The following AKAIN1 variants were observed in gnomAD, a reference collection of about 807,000 sequenced individuals.
The protein encoded by AKAIN1 is A-kinase anchor inhibitor 1, also known as A-kinase anchor protein inhibitor 1.
Under a neutral mutation model 3.7 loss-of-function variants are expected in AKAIN1, and 3 were observed. The ratio of observed to expected loss-of-function variants is 0.82; its 90% CI spans 0.37 to 2.12. AKAIN1 has a LOEUF of 2.12. AKAIN1 is among the 30% of genes most tolerant of loss of function. AKAIN1 has a pLI of 0.06. For synonymous variants in AKAIN1, 31 were observed against 30.8 expected, an observed-to-expected ratio of 1.01 and a Z score of -0.02; for missense variants, 82 against 82.7, an observed-to-expected ratio of 0.99 and a Z score of 0.03.
intron 1 of AKAIN1, among the ~76,000 whole-genome samples, chr18:5,152,128 G>C (rs2071083139): frequency 1.3e-5 from 2 of 152,140 alleles, no homozygotes; most frequent in African/African-American, 4.8e-5. Flanking sequence ...GCTCTGGACA[G>C]AAATATAGTT....
chr18:5,143,887 A>G lies in AKAIN1; in HGVS notation c.*1675T>C, dbSNP rs528327317. On this transcript the variant is annotated 3_prime_UTR_variant, in exon 2 of 2. Transcript: ENST00000434239. ...CATAGTACCAGATCACTTACAAACT[A>G]CAAGCATTAGATTTATTTATTTATT... Among the ~76,000 whole-genome samples the G allele has an allele frequency of 7.9e-5, 12 of 152,316 alleles. No individual in the cohort carries two copies. Among genetic ancestry groups the G allele is most frequent in the African/African-American group, 2.6e-4 (11 of 41,572 alleles).
At position 5,193,518 on chromosome 18, in the gene AKAIN1, T is replaced by A. The variant is rs369010731; in HGVS notation, c.16+3520A>T. The stretch of plus-strand genomic sequence containing the variant: ...AGCTCTTCCTCAAGGAAGAAGGAAT[T>A]TAGGAAAAGAAACCTGATTGTTCAG... On this transcript the variant is annotated intron_variant, in intron 1 of 1. Transcript: ENST00000434239. Among the ~76,000 whole-genome samples, 52 of 152,258 alleles carry A rather than the reference T, an allele frequency of 3.4e-4. 1 individual carries two copies. The South Asian group carries it at 7.3e-3, about 21-fold the overall frequency.
intron 1 of AKAIN1, among the ~76,000 whole-genome samples, chr18:5,164,442 T>A (rs1029771978): frequency 6.6e-5 from 10 of 152,070 alleles, no homozygotes; most frequent in Admixed American, 1.3e-4. Flanking sequence ...CTTCATTCAC[T>A]GGAAAATAAA....
At chr18:5,181,307 G>A (rs781779912) in intron 1 of AKAIN1, among the ~76,000 whole-genome samples, 1 of 151,894 alleles carries the variant, frequency 6.6e-6, no homozygotes, top group Non-Finnish European at 1.5e-5. Flanking sequence ...GAAAATAAAA[G>A]AAGTATAATT....
At chr18:5,197,575 C>G (rs1160002570), upstream of AKAIN1, 5 of 913,070 alleles carry the variant, frequency 5.5e-6, no homozygotes, top group Non-Finnish European at 5.7e-6. The surrounding 1 kb of genome is among the most constrained non-coding windows in gnomAD (Gnocchi z 6.9). Context: ...TGGGCTGGCT[C>G]GAATAGAGGG....
chr18:5,160,334 C>T (rs2071132210), intron 1 of AKAIN1, among the ~76,000 whole-genome samples: 1 of 152,180 alleles, frequency 6.6e-6, no homozygotes, highest in African/African-American at 2.4e-5. Context: ...TCCCAGATAA[C>T]TAATGAGGTT....
upstream of AKAIN1, chr18:5,197,293 C>T: frequency 1.5e-6 from 2 of 1,368,158 alleles, no homozygotes; most frequent in South Asian, 1.8e-5. This position sits in a 1 kb window ranked among gnomAD's most constrained non-coding sequence, Gnocchi z 6.9. Context: ...GAGGGTGAAT[C>T]CCCGCTCAGT....
chr18:5,177,611 C>T (rs560415983), intron 1 of AKAIN1, among the ~76,000 whole-genome samples: 3 of 152,188 alleles, frequency 2.0e-5, no homozygotes, highest in East Asian at 1.9e-4. Context: ...ATACTTAGCA[C>T]ATTAAATAAC....
intron 1 of AKAIN1, among the ~76,000 whole-genome samples, chr18:5,174,503 G>A (rs1191136012): frequency 2.0e-5 from 3 of 152,144 alleles, no homozygotes; most frequent in Non-Finnish European, 2.9e-5. Context: ...AACTTTGGGA[G>A]GCTGTGGTGG....
chr18:5,169,967 A>T (rs2071188471), intron 1 of AKAIN1, among the ~76,000 whole-genome samples: 1 of 152,102 alleles, frequency 6.6e-6, no homozygotes, highest in Non-Finnish European at 1.5e-5. Context: ...AATAACTATA[A>T]CCATTTGAAA....
intron 1 of AKAIN1, among the ~76,000 whole-genome samples, chr18:5,153,911 C>T (rs920228564): frequency 2.0e-5 from 3 of 151,836 alleles, no homozygotes; most frequent in Non-Finnish European, 4.4e-5. Flanking sequence ...GGGAAGGGGG[C>T]ATATAAGAAA....
At chr18:5,166,007 C>T (rs561265102) in intron 1 of AKAIN1, among the ~76,000 whole-genome samples, 14 of 152,094 alleles carry the variant, frequency 9.2e-5, no homozygotes, top group African/African-American at 3.4e-4. Context: ...GGAAAAATTC[C>T]TCCAATATTC....
At position 5,144,368 on chromosome 18, in the gene AKAIN1, C is replaced by G. The variant is rs756531930; in HGVS notation, c.*1194G>C. ...CAAATTCTTCCTCTGTCCCCAATAG[C>G]ACCAATTCAATAACTTTTGTGAAGC... On this transcript the variant is annotated 3_prime_UTR_variant, in exon 2 of 2. Coordinates refer to ENST00000434239, the MANE Select transcript of AKAIN1 (RefSeq NM_001145194.2). Among the ~76,000 whole-genome samples, 58 of 152,292 alleles carry G rather than the reference C, an allele frequency of 3.8e-4. No homozygotes were observed. The highest frequency in any genetic ancestry group is 4.3e-4 in the Non-Finnish European group (29 of 68,028).
At chr18:5,164,339 T>C (rs993490639) in intron 1 of AKAIN1, among the ~76,000 whole-genome samples, 1 of 152,046 alleles carries the variant, frequency 6.6e-6, no homozygotes, top group African/African-American at 2.4e-5. Flanking sequence ...AAGCAATTCA[T>C]TTCTTGTGAC....
intron 1 of AKAIN1, among the ~76,000 whole-genome samples, chr18:5,174,171 G>C (rs954286780): frequency 6.6e-6 from 1 of 152,104 alleles, no homozygotes; most frequent in Non-Finnish European, 1.5e-5. Flanking sequence ...GATGACCCAG[G>C]CTGGTGGGAA....
intron 1 of AKAIN1, among the ~76,000 whole-genome samples, chr18:5,169,350 A>G (rs1038088435): frequency 6.6e-6 from 1 of 152,162 alleles, no homozygotes; most frequent in African/African-American, 2.4e-5. Context: ...ACTGGAGACC[A>G]TAGCCTAGCC....
chr18:5,157,551 G>A (rs151287228), intron 1 of AKAIN1, among the ~76,000 whole-genome samples: 34 of 152,098 alleles, frequency 2.2e-4, no homozygotes, highest in Admixed American at 5.2e-4. Context: ...GCAGCCTCAC[G>A]CCCTCACCCG....
Position 5,145,481 on chromosome 18 carries a change from A to C in AKAIN1, c.*81T>G. 2.5e-6 allele frequency: 3 copies of C among 1,201,978 alleles called. No homozygotes were observed. In the South Asian group the frequency reaches 4.5e-5, roughly 18 times the overall value. The allele number at this position is 1,201,978 out of a possible 1,614,324, so 74.5% of individuals were successfully genotyped here. ...TGCCGGTGACACTTCGGTTTGCTTT[A>C]CTGGCAACATTTTGGAGATGCGTCC... On this transcript the variant is annotated 3_prime_UTR_variant, in exon 2 of 2. Transcript: ENST00000434239.
In AKAIN1 at chr18:5,144,002, T is replaced by C. The variant is rs1207105665; in HGVS notation, c.*1560A>G. ...TTATATCACATCAGTTATATGACTT[T>C]TGGTCGACTTAAACTCACTCTTCAC... On this transcript the variant is annotated 3_prime_UTR_variant, in exon 2 of 2. Coordinates refer to ENST00000434239, the MANE Select transcript of AKAIN1 (RefSeq NM_001145194.2). Among the ~76,000 whole-genome samples, 1 of 152,222 alleles carries C rather than the reference T, an allele frequency of 6.6e-6. No homozygotes were observed. Among genetic ancestry groups the C allele is most frequent in the Non-Finnish European group, 1.5e-5 (1 of 68,042 alleles).
Sources: gnomAD v4.1 joint callset for allele counts (sites outside exome capture counted in the v4.1 genomes callset) on GRCh38, gnomAD v4.1.1 for gene constraint, Gnocchi (gnomAD v3.1) non-coding constraint, MANE v1.5 for transcripts, NCBI Gene and HGNC (gene_info 2026-07-23, HGNC 2026-07-21) for gene names.